REPS2: variants seen among roughly 807,000 people sequenced by gnomAD.
REPS2 encodes the protein RALBP1 associated Eps domain containing 2, also known as ralBP1-associated Eps domain-containing protein 2.
In REPS2, 23 loss-of-function variants were observed where a neutral mutation model predicts 53.6. The ratio of observed to expected loss-of-function variants is 0.43; its 90% CI spans 0.31 to 0.61. The LOEUF is 0.61. Among genes scored for constraint, REPS2 ranks in the 20% least tolerant of loss-of-function variants. The probability of loss-of-function intolerance (pLI) is 0.11; values close to 1 mark genes in which losing one functional copy is unlikely to be tolerated. For missense variants in REPS2, 446 were observed against 534.9 expected (o/e 0.83, Z 1.64); for synonymous variants, 238 against 218.6 (o/e 1.09, Z -0.78).
At chrX:17,108,389 G>T (rs929828234) in intron 14 of REPS2, among the ~76,000 whole-genome samples, 1 of 109,878 alleles carries the variant, frequency 9.1e-6, no homozygotes, top group African/African-American at 3.3e-5. Flanking sequence ...GGCCAGGCTG[G>T]TCTCGAACTC....
intron 13 of REPS2, among the ~76,000 whole-genome samples, chrX:17,096,467 G>A (rs2062699559): frequency 9.3e-6 from 1 of 107,326 alleles, no homozygotes; most frequent in African/African-American, 3.4e-5. Flanking sequence ...AGACCATCCC[G>A]GCTAAAACGG....
chrX:17,138,982 T>G (rs377193039), intron 17 of REPS2, 21 bp downstream of exon 17: 2 of 1,047,987 alleles, frequency 1.9e-6, no homozygotes, highest in Non-Finnish European at 2.6e-6. Context: ...AGTCCCAGAT[T>G]TGGATGACCA....
intron 17 of REPS2, among the ~76,000 whole-genome samples, chrX:17,144,918 T>A (rs922624995): frequency 9.0e-6 from 1 of 111,225 alleles, no homozygotes; most frequent in Non-Finnish European, 1.9e-5. Flanking sequence ...GATCAGGTGA[T>A]CAATGGAGTT....
intron 2 of REPS2, 150 bp downstream of exon 2, chrX:17,006,494 A>G (rs1184713088): frequency 2.0e-6 from 1 of 510,328 alleles, no homozygotes; most frequent in Admixed American, 4.1e-5. Flanking sequence ...GCAGGTAGGT[A>G]GCTTAGTTTC....
intron 2 of REPS2, among the ~76,000 whole-genome samples, chrX:17,014,550 T>A (rs1205205579): frequency 8.9e-6 from 1 of 112,042 alleles, no homozygotes; most frequent in African/African-American, 3.2e-5. Context: ...GCCTGATTTT[T>A]TTTTTTGTTT....
intron 1 of REPS2, among the ~76,000 whole-genome samples, chrX:17,001,100 A>G (rs985340162): frequency 9.0e-6 from 1 of 111,699 alleles, no homozygotes. Context: ...AAAAAATATT[A>G]CCCCCATCTT....
chrX:17,027,403 T>G (rs1373952542), intron 4 of REPS2, among the ~76,000 whole-genome samples: 2 of 112,203 alleles, frequency 1.8e-5, no homozygotes, highest in Non-Finnish European at 3.8e-5. Context: ...TTTTATTATT[T>G]AGTAGTGGGA....
chrX:16,999,939 T>C (rs868522045), intron 1 of REPS2, among the ~76,000 whole-genome samples: 15 of 97,767 alleles, frequency 1.5e-4, no homozygotes, highest in African/African-American at 5.3e-4. Context: ...CCCAGCTACT[T>C]GGGAGGCTGA....
At chrX:17,099,924 A>C (rs762385548) in intron 13 of REPS2, 1 of 1,102,823 alleles carries the variant, frequency 9.1e-7, no homozygotes, top group East Asian at 3.0e-5. Context: ...CATCAGGAAC[A>C]TGAGCTCTCC....
intron 14 of REPS2, among the ~76,000 whole-genome samples, chrX:17,123,106 G>A (rs1034949437): frequency 8.9e-6 from 1 of 112,019 alleles, no homozygotes; most frequent in Non-Finnish European, 1.9e-5. Flanking sequence ...TTTCAATTGT[G>A]CTGCTGGTGG....
At chrX:17,092,311 A>G (rs954165016) in intron 13 of REPS2, among the ~76,000 whole-genome samples, 1 of 112,276 alleles carries the variant, frequency 8.9e-6, no homozygotes, top group Non-Finnish European at 1.9e-5. Context: ...GAGGATAAAA[A>G]TTGTTAGAGG....
At chrX:17,007,270 G>T (rs942984286) in intron 2 of REPS2, among the ~76,000 whole-genome samples, 1 of 111,859 alleles carries the variant, frequency 8.9e-6, no homozygotes, top group South Asian at 3.7e-4. Flanking sequence ...GGAAGACCAA[G>T]CCCTTCACAC....
chrX:17,039,925 C>CT (rs1410993915), intron 5 of REPS2, among the ~76,000 whole-genome samples: 3 of 112,750 alleles, frequency 2.7e-5, no homozygotes, highest in African/African-American at 9.6e-5. Context: ...TCTTCTGTGT[C>CT]TAAGTGATCG....
At chrX:17,163,640 A>G in the REPS2 span, among the ~76,000 whole-genome samples, 1 of 112,408 alleles carries the variant, frequency 8.9e-6, no homozygotes, top group Non-Finnish European at 1.9e-5. Context: ...ATTTTTCACC[A>G]GAAACCACTG....
At chrX:17,145,977 C>T (rs956568103) in intron 17 of REPS2, among the ~76,000 whole-genome samples, 4 of 109,360 alleles carry the variant, frequency 3.7e-5, no homozygotes, top group Admixed American at 2.9e-4. Context: ...GGCGTGGTGG[C>T]GGGCGCCTGT....
At chrX:17,175,753 G>A in the REPS2 span, among the ~76,000 whole-genome samples, 541 of 112,456 alleles carry the variant, frequency 4.8e-3, 2 homozygotes, top group African/African-American at 0.016. Flanking sequence ...CCAGCTGGCC[G>A]TGTGAGAATG....
intron 1 of REPS2, among the ~76,000 whole-genome samples, chrX:16,988,415 T>C (rs1020926305): frequency 1.8e-5 from 2 of 112,193 alleles, no homozygotes; most frequent in African/African-American, 6.5e-5. Context: ...GGATATAAGA[T>C]AAACATACAA....
chrX:17,100,038 C>T, intron 13 of REPS2: 2 of 1,162,534 alleles, frequency 1.7e-6, no homozygotes, highest in East Asian at 3.0e-5. Flanking sequence ...GCTCTCCTCT[C>T]CCTTATCTTC....
intron 14 of REPS2, among the ~76,000 whole-genome samples, chrX:17,132,541 T>G (rs982651223): frequency 9.8e-5 from 11 of 112,677 alleles, no homozygotes; most frequent in African/African-American, 3.2e-4. Context: ...TTCTTTTTCT[T>G]TTTTTTCTTT....
Sources: gnomAD v4.1 joint callset for allele counts (sites outside exome capture counted in the v4.1 genomes callset) on GRCh38, gnomAD v4.1.1 for gene constraint, MANE v1.5 for transcripts, NCBI Gene and HGNC (gene_info 2026-07-23, HGNC 2026-07-21) for gene names.